SWAP70: variants seen among roughly 807,000 people sequenced by gnomAD.
The protein encoded by SWAP70 is switch-associated protein 70.
A neutral mutation model predicts 80.2 loss-of-function variants in SWAP70; 34 were observed. That is an observed-to-expected ratio of 0.42 (90% CI 0.32 to 0.56). SWAP70 has a LOEUF of 0.56. SWAP70 is among the 20% of genes least tolerant of loss of function. The pLI is 0.09. For missense variants in SWAP70, 578 were observed against 690.7 expected, an observed-to-expected ratio of 0.84 and a Z score of 1.83; for synonymous variants, 239 against 238.5, an observed-to-expected ratio of 1.00 and a Z score of -0.02.
Position 9,747,967 on chromosome 11 carries a change from C to T in SWAP70, c.1465C>T (p.Arg489Cys), listed in dbSNP as rs1431941416. Residue 489 changes from arginine (R) to cysteine (C), a missense_variant, in exon 10 of 12, where the codon CGT becomes TGT. Coordinates refer to ENST00000318950, the MANE Select transcript of SWAP70 (RefSeq NM_015055.4). ...EAEKQELENQRVLKEQALQEA... is the reference protein window; with the variant it reads ...EAEKQELENQCVLKEQALQEA... ...GGAGAAGCAGGAGTTGGAGAATCAGCGTGTCCTGAAGGAACAGGCCCTGCA... is the reference window on the plus strand; with the variant it reads ...GGAGAAGCAGGAGTTGGAGAATCAGTGTGTCCTGAAGGAACAGGCCCTGCA... The T allele has an allele frequency of 3.1e-6, 5 of 1,614,046 alleles. No individual in the cohort carries two copies. Among genetic ancestry groups the T allele is most frequent in the Non-Finnish European group, 4.2e-6 (5 of 1,180,046 alleles).
At chr11:9,718,783 A>AT (rs11428515) in intron 3 of SWAP70, among the ~76,000 whole-genome samples, 49,403 of 151,524 alleles carry the variant, frequency 0.33, 8,276 homozygotes, top group Non-Finnish European at 0.35. Flanking sequence ...TTTAAGAAAG[A>AT]TTTTTTTTTA....
intron 2 of SWAP70, among the ~76,000 whole-genome samples, chr11:9,696,160 A>G (rs1048884744): frequency 2.0e-5 from 3 of 152,146 alleles, no homozygotes; most frequent in Non-Finnish European, 4.4e-5. Flanking sequence ...ATATGTTCTG[A>G]GTAAAGATGC....
intron 1 of SWAP70, among the ~76,000 whole-genome samples, chr11:9,675,487 T>C (rs1305222108): frequency 1.3e-5 from 2 of 151,000 alleles, no homozygotes; most frequent in East Asian, 2.0e-4. Context: ...ATGGCTTACA[T>C]AAACTACAAT....
At chr11:9,698,141 C>T (rs1483991598) in intron 2 of SWAP70, among the ~76,000 whole-genome samples, 3 of 143,422 alleles carry the variant, frequency 2.1e-5, no homozygotes, top group Non-Finnish European at 1.5e-5. Context: ...CGCTCTGTCA[C>T]CCAGGCTGGA....
At chr11:9,706,359 G>T in intron 2 of SWAP70, among the ~76,000 whole-genome samples, 1 of 151,752 alleles carries the variant, frequency 6.6e-6, no homozygotes, top group Non-Finnish European at 1.5e-5. Context: ...GTATACACTG[G>T]TGATCTGTAT....
chr11:9,725,569 AT>A (rs746391271), intron 4 of SWAP70, among the ~76,000 whole-genome samples: 374 of 26,152 alleles, frequency 0.014, no homozygotes, highest in African/African-American at 0.019. Context: ...ATATATATAT[AT>A]TTTTTTTTTT....
chr11:9,664,452 C>A (rs935198194), intron 1 of SWAP70, among the ~76,000 whole-genome samples, 174 bp downstream of exon 1: 1 of 152,340 alleles, frequency 6.6e-6, no homozygotes, highest in South Asian at 2.1e-4. Context: ...GTGTTTACTG[C>A]CTCCCCCTTG....
intron 9 of SWAP70, among the ~76,000 whole-genome samples, chr11:9,745,374 T>C (rs1036200422): frequency 6.6e-6 from 1 of 152,190 alleles, no homozygotes; most frequent in Non-Finnish European, 1.5e-5. Flanking sequence ...GGAAGATATA[T>C]AATGTGTGGA....
chr11:9,688,807 A>G (rs1435463), intron 1 of SWAP70, among the ~76,000 whole-genome samples: 84,806 of 151,820 alleles, frequency 0.56, 25,254 homozygotes, highest in South Asian at 0.7. Context: ...TTAAGCAGTG[A>G]CAAGCAGGAT....
At chr11:9,715,988 A>T (rs370549518) in intron 3 of SWAP70, among the ~76,000 whole-genome samples, 12 of 152,340 alleles carry the variant, frequency 7.9e-5, no homozygotes, top group African/African-American at 2.9e-4. Flanking sequence ...CTTGGAAAGG[A>T]TACATTTGCA....
In SWAP70 at chr11:9,671,547, TAGAA is replaced by T. The variant is rs1565109476; in HGVS notation, c.99+7271_99+7274del. 6.3e-3 allele frequency among the ~76,000 whole-genome samples: 526 copies of T among 83,674 alleles called. 9 individuals are homozygous for T. Among genetic ancestry groups the T allele is most frequent in the African/African-American group, 0.021 (496 of 23,380 alleles). The allele number at this position is 83,674 out of a possible 152,430, so 54.9% of individuals were successfully genotyped here. On this transcript the variant is annotated intron_variant, in intron 1 of 11. Coordinates refer to ENST00000318950, the MANE Select transcript of SWAP70 (RefSeq NM_015055.4). ...AAATATATAAATATATAGAAATATA[TAGAA>T]ATATATATAAATATATTTATATAGA... is the stretch of plus-strand genomic sequence containing the variant.
intron 6 of SWAP70, 57 bp downstream of exon 6, chr11:9,729,508 T>C (rs1251995286): frequency 1.8e-5 from 24 of 1,344,190 alleles, no homozygotes; most frequent in Admixed American, 3.9e-5. Context: ...GACTTTCTTT[T>C]TTTTTTCTGA....
chr11:9,702,886 G>A (rs1244005344), intron 2 of SWAP70, among the ~76,000 whole-genome samples: 1 of 152,178 alleles, frequency 6.6e-6, no homozygotes, highest in African/African-American at 2.4e-5. Flanking sequence ...AGCAATGTGA[G>A]TCATGTACTG....
intron 2 of SWAP70, among the ~76,000 whole-genome samples, chr11:9,694,523 A>G (rs1475349009): frequency 1.3e-5 from 2 of 152,182 alleles, no homozygotes; most frequent in African/African-American, 2.4e-5. Flanking sequence ...GAAATTAAGA[A>G]CTGTGTTTTG....
At chr11:9,670,233 G>C (rs1231526223) in intron 1 of SWAP70, among the ~76,000 whole-genome samples, 1 of 152,170 alleles carries the variant, frequency 6.6e-6, no homozygotes. Flanking sequence ...GTCAAGGTAT[G>C]AGCCTTGACC....
intron 9 of SWAP70, among the ~76,000 whole-genome samples, chr11:9,746,829 A>G (rs1317690320): frequency 6.6e-6 from 1 of 152,258 alleles, no homozygotes; most frequent in Non-Finnish European, 1.5e-5. Flanking sequence ...GTGGTAGCCC[A>G]TCACCTAGAG....
At chr11:9,674,701 A>T (rs1446553759) in intron 1 of SWAP70, among the ~76,000 whole-genome samples, 1 of 152,166 alleles carries the variant, frequency 6.6e-6, no homozygotes, top group Non-Finnish European at 1.5e-5. Flanking sequence ...GCGGTGGCTC[A>T]TGCCTGTAAT....
At position 9,713,522 on chromosome 11, in the gene SWAP70, C is replaced by CA. The variant is rs749995893; in HGVS notation, c.305dup (p.Asn102LysfsTer16). 7 of 1,612,582 alleles carry CA rather than the reference C, an allele frequency of 4.3e-6. No homozygotes were observed. Among genetic ancestry groups the CA allele is most frequent in the Non-Finnish European group, 5.9e-6 (7 of 1,179,262 alleles). ...ATAGGATGTGTTGGACCCTCTGTGT[C>CA]AAAAAAAACCTCACAAAGAATCCCC... On this transcript the variant is annotated frameshift_variant, in exon 3 of 12. Coordinates refer to ENST00000318950, the MANE Select transcript of SWAP70 (RefSeq NM_015055.4). LOFTEE classifies it high-confidence loss of function.
At chr11:9,729,135 A>C (rs1349361498) in intron 5 of SWAP70, among the ~76,000 whole-genome samples, 1 of 152,198 alleles carries the variant, frequency 6.6e-6, no homozygotes, top group African/African-American at 2.4e-5. Flanking sequence ...AGGTGTTTAT[A>C]GTTTTACCAG....
Sources: allele counts gnomAD v4.1 joint callset (sites outside exome capture counted in the v4.1 genomes callset), GRCh38; gene constraint gnomAD v4.1.1; transcripts MANE v1.5; gene names NCBI Gene and HGNC (gene_info 2026-07-23, HGNC 2026-07-21).